SH3BP4: variants seen among roughly 807,000 people sequenced by gnomAD.
The protein encoded by SH3BP4 is SH3 domain binding protein 4.
Under a neutral mutation model 65.5 loss-of-function variants are expected in SH3BP4, and 33 were observed. The ratio of observed to expected loss-of-function variants is 0.50; its 90% CI spans 0.38 to 0.67. SH3BP4 has a LOEUF of 0.67. Among genes scored for constraint, SH3BP4 ranks in the 30% least tolerant of loss-of-function variants. The pLI is 0.00. For missense variants in SH3BP4, 1,134 were observed against 1,261.4 expected, an observed-to-expected ratio of 0.90 and a Z score of 1.53; for synonymous variants, 552 against 545.5, an observed-to-expected ratio of 1.01 and a Z score of -0.17.
chr2:234,972,614 C>G (rs1338915646), intron 1 of SH3BP4, among the ~76,000 whole-genome samples: 1 of 151,874 alleles, frequency 6.6e-6, no homozygotes, highest in East Asian at 1.9e-4. Context: ...GTAGTCCCAG[C>G]TACTGGGAAG....
At chr2:234,965,215 A>G (rs191302069) in intron 1 of SH3BP4, among the ~76,000 whole-genome samples, 1 of 152,262 alleles carries the variant, frequency 6.6e-6, no homozygotes, top group South Asian at 2.1e-4. Context: ...GAGACTGTCC[A>G]GTGAAAACCA....
chr2:234,958,535 A>T (rs1022551462), intron 1 of SH3BP4, among the ~76,000 whole-genome samples: 3 of 152,106 alleles, frequency 2.0e-5, no homozygotes, highest in Admixed American at 2.0e-4. Flanking sequence ...GGAAGAGCTC[A>T]TACATGGGAA....
chr2:234,998,583 C>T (rs78218646), intron 2 of SH3BP4, among the ~76,000 whole-genome samples: 22,616 of 152,216 alleles, frequency 0.15, 1,981 homozygotes, highest in Non-Finnish European at 0.2. Flanking sequence ...GTGAAAGTCA[C>T]ATAACCTCCA....
In SH3BP4 at chr2:235,018,535, C is replaced by T. The variant is rs560611603; in HGVS notation, c.-132-16336C>T. Among the ~76,000 whole-genome samples the T allele has an allele frequency of 2.0e-5, 3 of 152,208 alleles. No individual in the cohort carries two copies. In the South Asian group the frequency reaches 6.2e-4, roughly 32 times the overall value. ...TTGAATAGGTAAATCATTCTTCCAC[C>T]CCTCCATGATCTTTGCAAGCAAACA... On this transcript the variant is annotated intron_variant, in intron 2 of 5. Transcript: ENST00000392011.
rs1693256642 is a variant in SH3BP4, at chr2:234,978,809, A to T, written c.-206-16494A>T. On this transcript the variant is annotated intron_variant, in intron 1 of 5. Coordinates refer to ENST00000392011, the MANE Select transcript of SH3BP4 (RefSeq NM_014521.3). This position sits in a 1 kb window ranked among gnomAD's most constrained non-coding sequence, Gnocchi z 4.1. The stretch of plus-strand genomic sequence containing the variant: ...GTGCAGCGTCCGTGGCCTGCATTTG[A>T]AACTGAAGGGCAAGAGGCTGGTGAG... 1 of 152,214 alleles carries T rather than the reference A, an allele frequency of 6.6e-6. No homozygotes were observed. The highest frequency in any genetic ancestry group is 6.5e-5 in the Admixed American group (1 of 15,282). The allele number at this position is 152,214 out of a possible 1,614,324, so 9.4% of individuals were successfully genotyped here.
chr2:234,987,983 T>C (rs1033130954), intron 1 of SH3BP4, among the ~76,000 whole-genome samples: 9 of 152,192 alleles, frequency 5.9e-5, no homozygotes, highest in Non-Finnish European at 8.8e-5. Flanking sequence ...GGGACACTGG[T>C]GAAGCCATCC....
Position 235,053,802 on chromosome 2 carries a change from G to T in SH3BP4, c.2878G>T (p.Asp960Tyr), listed in dbSNP as rs200804299. The T allele has an allele frequency of 1.9e-6, 3 of 1,613,970 alleles. No homozygotes were observed. Among genetic ancestry groups the T allele is most frequent in the South Asian group, 1.1e-5 (1 of 91,068 alleles). ...CGCCTTCAGCCCTGCGGACCAGGACGACTTCGTGATTTGAATGGGTCCCCT... is the reference window on the plus strand; with the variant it reads ...CGCCTTCAGCCCTGCGGACCAGGACTACTTCGTGATTTGAATGGGTCCCCT... ...AAAFSPADQD[D>Y]FVI is the part of the protein sequence containing the mutation. The change falls in exon 6 of 6, where the codon GAC (aspartate) becomes TAC (tyrosine). Residue 960 changes from aspartate (D) to tyrosine (Y), a missense_variant. Asp to Tyr is a radical substitution (Grantham distance 160). Transcript: ENST00000392011.
chr2:234,993,502 G>A (rs1359798494), intron 1 of SH3BP4, among the ~76,000 whole-genome samples: 1 of 152,210 alleles, frequency 6.6e-6, no homozygotes, highest in Admixed American at 6.5e-5. Flanking sequence ...AGAGATGCTG[G>A]TGCAGTGGCT....
At chr2:235,013,695 A>C (rs1020325936) in intron 2 of SH3BP4, among the ~76,000 whole-genome samples, 4 of 151,946 alleles carry the variant, frequency 2.6e-5, no homozygotes, top group Non-Finnish European at 5.9e-5. Context: ...CTGTCCTTTT[A>C]TTCCCAAGCC....
chr2:235,035,109 A>T lies in SH3BP4; in HGVS notation c.107A>T (p.Asn36Ile). Residue 36 changes from asparagine (N) to isoleucine (I), a missense_variant, in exon 3 of 6, where the codon AAT becomes ATT. By Grantham distance (149) the Asn-to-Ile change is moderately radical (BLOSUM62 -3). Coordinates refer to ENST00000392011, the MANE Select transcript of SH3BP4 (RefSeq NM_014521.3). This position sits in a 1 kb window ranked among gnomAD's most constrained non-coding sequence, Gnocchi z 5.0. ...LSEGFSETSF[N>I]DIKVPSPSAL... ...GAAGGGTTTTCAGAGACGAGCTTTA[A>T]TGACATCAAAGGTGAGCTTCTGGGG... 1 of 1,612,630 alleles carries T rather than the reference A, an allele frequency of 6.2e-7. No homozygotes were observed. The highest frequency in any genetic ancestry group is 8.5e-7 in the Non-Finnish European group (1 of 1,178,574).
Position 235,042,625 on chromosome 2 carries a change from C to A in SH3BP4, c.1856C>A (p.Pro619His). 1.2e-6 allele frequency: 2 copies of A among 1,614,152 alleles called. No individual in the cohort carries two copies. The highest frequency in any genetic ancestry group is 1.7e-6 in the Non-Finnish European group (2 of 1,180,030). Residue 619 changes from proline (P) to histidine (H), a missense_variant, in exon 4 of 6, where the codon CCT becomes CAT. Transcript: ENST00000392011. The surrounding 1 kb of genome is among the most constrained non-coding windows in gnomAD (Gnocchi z 7.3). ...CCACCCCCTAAAAGTGCCATCAAGC[C>A]TTCCGGGCAAAGGAGGTTTCTCAAG... ...PQPPPKSAIKPSGQRRFLKKN... is the reference protein window; with the variant it reads ...PQPPPKSAIKHSGQRRFLKKN...
intron 1 of SH3BP4, among the ~76,000 whole-genome samples, chr2:234,982,910 T>C (rs1306096255): frequency 6.6e-6 from 1 of 152,032 alleles, no homozygotes; most frequent in Non-Finnish European, 1.5e-5. Context: ...GAGCCGGGGA[T>C]AATACAATGA....
chr2:235,004,719 T>A (rs1037610946), intron 2 of SH3BP4, among the ~76,000 whole-genome samples: 1 of 152,254 alleles, frequency 6.6e-6, no homozygotes, highest in Non-Finnish European at 1.5e-5. Flanking sequence ...CATTCCTTTT[T>A]ATGGCTGCAT....
At chr2:235,018,775 G>A (rs989418819) in intron 2 of SH3BP4, among the ~76,000 whole-genome samples, 1 of 152,088 alleles carries the variant, frequency 6.6e-6, no homozygotes, top group African/African-American at 2.4e-5. Flanking sequence ...TCTGGGAATC[G>A]GGGCACATCT....
intron 1 of SH3BP4, chr2:234,981,834 T>C (rs1196672236): frequency 1.3e-5 from 2 of 152,208 alleles, no homozygotes; most frequent in East Asian, 3.9e-4. Context: ...CAATCCCTTG[T>C]TGATAGTTAG....
intron 2 of SH3BP4, among the ~76,000 whole-genome samples, chr2:235,006,867 C>A (rs925223377): frequency 2.0e-5 from 3 of 152,120 alleles, no homozygotes; most frequent in African/African-American, 7.2e-5. Flanking sequence ...GTGACAGCAG[C>A]AACATGGCTG....
intron 1 of SH3BP4, chr2:234,983,329 T>C (rs1258185307): frequency 6.6e-6 from 1 of 152,254 alleles, no homozygotes; most frequent in African/African-American, 2.4e-5. Context: ...ATTCAAACAT[T>C]GGCTGACTGC....
intron 2 of SH3BP4, among the ~76,000 whole-genome samples, chr2:235,024,744 A>G (rs1397102491): frequency 6.6e-6 from 1 of 152,194 alleles, no homozygotes; most frequent in Non-Finnish European, 1.5e-5. Flanking sequence ...TGTACTAGAA[A>G]AGATCTATCA....
At chr2:235,031,742 C>T (rs1695209036) in intron 2 of SH3BP4, among the ~76,000 whole-genome samples, 1 of 152,250 alleles carries the variant, frequency 6.6e-6, no homozygotes, top group Non-Finnish European at 1.5e-5. Flanking sequence ...GCATCTCACC[C>T]TCTATGGGCA....
Sources: allele counts gnomAD v4.1 joint callset (sites outside exome capture counted in the v4.1 genomes callset), GRCh38; gene constraint gnomAD v4.1.1; non-coding constraint Gnocchi (gnomAD v3.1); transcripts MANE v1.5; gene names NCBI Gene and HGNC (gene_info 2026-07-23, HGNC 2026-07-21).